Variants in CTH observed in about 807,000 individuals in gnomAD.
The protein encoded by CTH is cystathionase (cystathionine gamma-lyase).
CTH carries 41 observed loss-of-function variants against 50.6 expected under a neutral mutation model. The observed-to-expected ratio is 0.81, with a 90% CI of 0.63 to 1.05. The LOEUF is 1.05. CTH is among the 50% of genes least tolerant of loss of function. The pLI is 0.00. For synonymous variants in CTH, 156 were observed against 168.9 expected (o/e 0.92, Z 0.59); for missense variants, 470 against 492.6 (o/e 0.95, Z 0.43).
chr1:70,432,285 C>G, intron 8 of CTH, 50 bp downstream of exon 8: 1 of 1,598,732 alleles, frequency 6.3e-7, no homozygotes, highest in Non-Finnish European at 8.6e-7. Flanking sequence ...CAGCAGTTAT[C>G]CTGAGCATCG....
At chr1:70,413,466 A>C (rs541500408) in intron 1 of CTH, among the ~76,000 whole-genome samples, 191 of 151,782 alleles carry the variant, frequency 1.3e-3, no homozygotes, top group Admixed American at 4.6e-3. Context: ...GGGTTTCACC[A>C]TGTTGGCCAG....
At chr1:70,438,120 G>T (rs1162513016) in intron 10 of CTH, among the ~76,000 whole-genome samples, 1 of 152,166 alleles carries the variant, frequency 6.6e-6, no homozygotes, top group Non-Finnish European at 1.5e-5. Context: ...GTAATGGGCT[G>T]CTAGATCGTT....
chr1:70,437,263 A>G (rs1684617902), intron 10 of CTH, among the ~76,000 whole-genome samples: 1 of 152,214 alleles, frequency 6.6e-6, no homozygotes, highest in African/African-American at 2.4e-5. Flanking sequence ...TAAGTACCCA[A>G]TAAACGTTAG....
chr1:70,430,007 A>G (rs923383241), intron 6 of CTH, among the ~76,000 whole-genome samples, 156 bp downstream of exon 6: 5 of 152,172 alleles, frequency 3.3e-5, no homozygotes, highest in African/African-American at 1.2e-4. Flanking sequence ...GTAGGATTTC[A>G]TTAACAGTAC....
intron 1 of CTH, chr1:70,411,793 C>T (rs779093586): frequency 1.5e-6 from 1 of 680,530 alleles, no homozygotes; most frequent in Non-Finnish European, 1.8e-6. Flanking sequence ...TGGAAGGAGC[C>T]GTTTGTCCAG....
intron 3 of CTH, among the ~76,000 whole-genome samples, chr1:70,420,848 T>A: frequency 6.6e-6 from 1 of 152,278 alleles, no homozygotes; most frequent in Non-Finnish European, 1.5e-5. Context: ...AAAGAACTTT[T>A]TACATTATTT....
At chr1:70,416,439 C>A (rs1014130586) in intron 2 of CTH, among the ~76,000 whole-genome samples, 1 of 152,128 alleles carries the variant, frequency 6.6e-6, no homozygotes, top group Non-Finnish European at 1.5e-5. Flanking sequence ...GTTGCTCAGG[C>A]TGGAGTGCAG....
At position 70,421,652 on chromosome 1, in the gene CTH, G is replaced by T. The variant is rs372355771; in HGVS notation, c.433G>T (p.Ala145Ser). ...TTGTTCCAAAATCAAATTACTAGAG[G>T]CAGCAATTACACCAGAAACCAAGGT... ...VDCSKIKLLE[A>S]AITPETKLVW... Residue 145 changes from alanine to serine, a missense_variant, in exon 4 of 12, where the codon GCA becomes TCA. Physicochemically the swap from Ala to Ser is moderately conservative, Grantham distance 99 (BLOSUM62 1). Coordinates refer to ENST00000370938, the MANE Select transcript of CTH (RefSeq NM_001902.6). 6.2e-7 allele frequency: 1 copy of T among 1,613,744 alleles called. No individual in the cohort carries two copies. Among genetic ancestry groups the T allele is most frequent in the Non-Finnish European group, 8.5e-7 (1 of 1,179,898 alleles).
chr1:70,433,916 T>G lies in CTH; in HGVS notation c.966T>G (p.Leu322=), dbSNP rs769937815. ...TCACCTTTTATATTAAGGGCACTCT[T>G]CAGCATGCTGAGATTTTCCTCAAGA... is the stretch of plus-strand genomic sequence containing the variant. The part of the protein sequence containing the change: ...GMVTFYIKGT[L]QHAEIFLKNL... Residue 322 remains leucine, a synonymous_variant, in exon 9 of 12, where the codon CTT becomes CTG. Coordinates refer to ENST00000370938, the MANE Select transcript of CTH (RefSeq NM_001902.6). 1.2e-6 allele frequency: 2 copies of G among 1,614,122 alleles called. No individual in the cohort carries two copies. The highest frequency in any genetic ancestry group is 2.7e-5 in the African/African-American group (2 of 75,042).
At chr1:70,411,697 C>T in intron 1 of CTH, 114 bp downstream of exon 1, 1 of 1,471,476 alleles carries the variant, frequency 6.8e-7, no homozygotes, top group Non-Finnish European at 9.0e-7. Context: ...AGGAAGGCAA[C>T]CGAAAGATGT....
chr1:70,422,919 A>C (rs1352849678), intron 4 of CTH, among the ~76,000 whole-genome samples: 1 of 152,062 alleles, frequency 6.6e-6, no homozygotes, highest in African/African-American at 2.4e-5. Context: ...CCTGGTCTGA[A>C]TCTTTCTAAG....
At chr1:70,423,250 TC>T (rs1684267056) in intron 4 of CTH, among the ~76,000 whole-genome samples, 1 of 151,958 alleles carries the variant, frequency 6.6e-6, no homozygotes, top group South Asian at 2.1e-4. Context: ...TTAAACCAGA[TC>T]TCTTGCCCAT....
At position 70,439,224 on chromosome 1, in the gene CTH, C is replaced by A. The variant is rs527851295; in HGVS notation, c.*97C>A. On this transcript the variant is annotated 3_prime_UTR_variant, in exon 12 of 12. Transcript: ENST00000370938. ...AATGAGCCTTTGCAAAATTTTCAAG[C>A]GGAAATTTTAAGGCACCTCATTATC... is the stretch of plus-strand genomic sequence containing the variant. 2.5e-6 allele frequency: 3 copies of A among 1,201,574 alleles called. No homozygotes were observed. Among genetic ancestry groups the A allele is most frequent in the African/African-American group, 1.5e-5 (1 of 66,764 alleles). The allele number at this position is 1,201,574 out of a possible 1,614,324, so 74.4% of individuals were successfully genotyped here.
chr1:70,416,617 G>A (rs964308441), intron 2 of CTH, among the ~76,000 whole-genome samples: 16 of 149,182 alleles, frequency 1.1e-4, no homozygotes, highest in African/African-American at 3.7e-4. Flanking sequence ...AGGCTGGAGT[G>A]CAATGGCAGG....
intron 3 of CTH, among the ~76,000 whole-genome samples, chr1:70,418,614 G>A (rs1290485743): frequency 6.6e-6 from 1 of 152,184 alleles, no homozygotes; most frequent in Non-Finnish European, 1.5e-5. Flanking sequence ...TGATCAACTT[G>A]CAGACATATT....
At chr1:70,437,615 A>G (rs953420545) in intron 10 of CTH, among the ~76,000 whole-genome samples, 2 of 152,184 alleles carry the variant, frequency 1.3e-5, no homozygotes, top group Non-Finnish European at 2.9e-5. Flanking sequence ...TCTTATTTCT[A>G]CATGTACACA....
intron 3 of CTH, 100 bp from the exon 4 acceptor site, chr1:70,421,466 C>G: frequency 7.9e-7 from 1 of 1,263,940 alleles, no homozygotes; most frequent in South Asian, 1.2e-5. Flanking sequence ...TCCTTGGTGA[C>G]TGAGAGTTCC....
At chr1:70,421,533 C>A (rs1684222014) in intron 3 of CTH, 33 bp from the exon 4 acceptor site, 2 of 1,600,358 alleles carry the variant, frequency 1.2e-6, no homozygotes, top group East Asian at 2.2e-5. Context: ...ATGCAATGTT[C>A]TTTTCATTTT....
chr1:70,418,883 C>G (rs116197665), intron 3 of CTH, among the ~76,000 whole-genome samples: 1 of 151,850 alleles, frequency 6.6e-6, no homozygotes, highest in Non-Finnish European at 1.5e-5. Flanking sequence ...TGGATTGAAC[C>G]GCTGAAGCCC....
Sources: gnomAD v4.1 joint callset for allele counts (sites outside exome capture counted in the v4.1 genomes callset) on GRCh38, gnomAD v4.1.1 for gene constraint, MANE v1.5 for transcripts, NCBI Gene and HGNC (gene_info 2026-07-23, HGNC 2026-07-21) for gene names.